Variants in TANGO6 observed in about 807,000 individuals in gnomAD.
TANGO6 encodes the protein transport and Golgi organization protein 6 homolog.
In TANGO6, 90 loss-of-function variants were observed where a neutral mutation model predicts 114.2. That is an observed-to-expected ratio of 0.79 (90% confidence interval 0.66 to 0.94). TANGO6 has a LOEUF of 0.94. Ranked by LOEUF, TANGO6 falls within the 40% of genes least tolerant of loss-of-function variation. The pLI is 0.00. For missense variants in TANGO6, 1,274 were observed against 1,315.3 expected, an observed-to-expected ratio of 0.97 and a Z score of 0.49; for synonymous variants, 477 against 509.8, an observed-to-expected ratio of 0.94 and a Z score of 0.87.
rs536045439 is a variant in TANGO6 at position 68,846,564 on chromosome 16, C to T, written c.94+2853C>T. 2.5e-4 allele frequency: 67 copies of T among 263,408 alleles called. 1 individual carries two copies. The East Asian group carries it at 6.0e-3, about 24-fold the overall frequency. 16.3% of individuals were successfully genotyped at this position (263,408 alleles called of 1,614,324 possible). A position where few individuals can be genotyped will look rare whatever the true frequency, so the allele number is the denominator to read the frequency against. On this transcript the variant is annotated intron_variant, in intron 1 of 17. Coordinates refer to ENST00000261778, the MANE Select transcript of TANGO6 (RefSeq NM_024562.2). ...AAGCTGGAGTGCAGTGGTGCGATCT[C>T]GGCTCACTGCAACCTCCGCCTCCCA...
chr16:68,971,907 ACACGCGTGAGC>A lies in TANGO6; in HGVS notation c.2702-2117_2702-2107del, dbSNP rs1326199659. Reference sequence around the variant, plus strand: ...CTCGGCCTCCCAAAATGTTGGGATTACACGCGTGAGCCACTGCGCCCAGCCGATGCAGACAT... The same window carrying A: ...CTCGGCCTCCCAAAATGTTGGGATTACACTGCGCCCAGCCGATGCAGACAT... On this transcript the variant is annotated intron_variant, in intron 14 of 17. Transcript: ENST00000261778. Among the ~76,000 whole-genome samples, 10 of 152,226 alleles carry A rather than the reference ACACGCGTGAGC, an allele frequency of 6.6e-5. No homozygotes were observed. The South Asian group carries it at 1.0e-3, about 16-fold the overall frequency.
intron 11 of TANGO6, among the ~76,000 whole-genome samples, chr16:68,913,108 G>A (rs1034313317): frequency 6.7e-6 from 1 of 150,050 alleles, no homozygotes; most frequent in Admixed American, 6.7e-5. Context: ...AATAACAAAT[G>A]TTGCAAAGTT....
At chr16:68,989,086 C>T (rs1327597494) in intron 15 of TANGO6, among the ~76,000 whole-genome samples, 2 of 152,152 alleles carry the variant, frequency 1.3e-5, no homozygotes, top group African/African-American at 4.8e-5. Context: ...TGGTCTTGAA[C>T]TCCTGGGCAC....
intron 7 of TANGO6, among the ~76,000 whole-genome samples, chr16:68,894,010 G>A (rs1339586351): frequency 1.3e-5 from 2 of 152,160 alleles, no homozygotes; most frequent in Non-Finnish European, 2.9e-5. Flanking sequence ...TTGTGCCTTC[G>A]CTGCTTCCTC....
intron 8 of TANGO6, among the ~76,000 whole-genome samples, chr16:68,900,923 A>G (rs1962774601): frequency 6.6e-6 from 1 of 152,238 alleles, no homozygotes. Flanking sequence ...CATTTGGGAA[A>G]TCTAGATCTG....
chr16:68,999,943 C>T (rs1326584901), intron 15 of TANGO6, among the ~76,000 whole-genome samples: 2 of 152,182 alleles, frequency 1.3e-5, no homozygotes, highest in African/African-American at 2.4e-5. Flanking sequence ...TTGAAGAGTG[C>T]TTGTCAGAGT....
rs368481752 is a variant in TANGO6, at chr16:69,022,855, C to G, written c.2870C>G (p.Pro957Arg). The change falls in exon 16 of 18, where the codon CCT (proline) becomes CGT (arginine). Residue 957 changes from proline to arginine, a missense_variant. Physicochemically the swap from Pro to Arg is moderately radical, Grantham distance 103. Transcript: ENST00000261778. ...LGDMVSKYREPLIHTFLRGVR... is the reference protein window; with the variant it reads ...LGDMVSKYRERLIHTFLRGVR... Reference sequence around the variant, plus strand: ...GACATGGTCTCAAAGTACCGAGAACCTTTGATCCATACCTTCCTGAGGGGA... The same window carrying G: ...GACATGGTCTCAAAGTACCGAGAACGTTTGATCCATACCTTCCTGAGGGGA... The G allele has an allele frequency of 6.3e-7, 1 of 1,588,612 alleles. No homozygotes were observed. The highest frequency in any genetic ancestry group is 8.6e-7 in the Non-Finnish European group (1 of 1,166,830).
intron 17 of TANGO6, among the ~76,000 whole-genome samples, chr16:69,056,429 C>T (rs78580041): frequency 0.025 from 3,860 of 152,146 alleles, 166 homozygotes; most frequent in African/African-American, 0.087. Context: ...ACAGAAATGT[C>T]CCTGGCACAC....
At chr16:68,965,393 C>T (rs1032773828) in intron 14 of TANGO6, among the ~76,000 whole-genome samples, 2 of 152,218 alleles carry the variant, frequency 1.3e-5, no homozygotes, top group African/African-American at 4.8e-5. Flanking sequence ...TACTCTCACC[C>T]TGCAGGGGCA....
intron 16 of TANGO6, chr16:69,036,076 C>G (rs1233824703): frequency 6.6e-6 from 1 of 151,532 alleles, no homozygotes; most frequent in African/African-American, 2.4e-5. Flanking sequence ...TGGATTTCTG[C>G]CCTCTGAGAG....
At chr16:69,064,307 T>C (rs1262059991) in intron 17 of TANGO6, among the ~76,000 whole-genome samples, 1 of 152,168 alleles carries the variant, frequency 6.6e-6, no homozygotes. Context: ...TGAAGCATCT[T>C]GCACAGAGCA....
At chr16:68,906,188 T>C (rs1183832693) in intron 9 of TANGO6, among the ~76,000 whole-genome samples, 1 of 152,024 alleles carries the variant, frequency 6.6e-6, no homozygotes, top group Non-Finnish European at 1.5e-5. Flanking sequence ...CTCAAATAAA[T>C]AAATAAATAA....
intron 11 of TANGO6, among the ~76,000 whole-genome samples, chr16:68,910,792 T>C (rs969379442): frequency 1.3e-5 from 2 of 152,158 alleles, no homozygotes; most frequent in Non-Finnish European, 2.9e-5. Context: ...TTCTCCTGCC[T>C]CGGCCTCCCA....
At chr16:68,857,975 C>T (rs571585942) in intron 1 of TANGO6, among the ~76,000 whole-genome samples, 1 of 152,012 alleles carries the variant, frequency 6.6e-6, no homozygotes, top group South Asian at 2.1e-4. Flanking sequence ...TCTTTATTTT[C>T]TGAAAGAGTT....
At chr16:68,861,598 A>T (rs1194684167) in intron 2 of TANGO6, among the ~76,000 whole-genome samples, 1 of 152,148 alleles carries the variant, frequency 6.6e-6, no homozygotes, top group Non-Finnish European at 1.5e-5. Flanking sequence ...TATTACTGTT[A>T]CTGAGGCTAA....
chr16:69,078,567 C>G (rs1478926349), intron 17 of TANGO6, among the ~76,000 whole-genome samples: 1 of 152,096 alleles, frequency 6.6e-6, no homozygotes, highest in African/African-American at 2.4e-5. Context: ...TCCCTGTGAC[C>G]TTTACCATGT....
At chr16:68,929,211 G>A (rs564006653) in intron 13 of TANGO6, among the ~76,000 whole-genome samples, 6 of 152,112 alleles carry the variant, frequency 3.9e-5, no homozygotes, top group East Asian at 1.9e-4. Context: ...GAGCCACCGC[G>A]CCTGGCCTTA....
chr16:69,033,464 A>T (rs1437130198), intron 16 of TANGO6, among the ~76,000 whole-genome samples: 2 of 152,178 alleles, frequency 1.3e-5, no homozygotes, highest in African/African-American at 4.8e-5. Flanking sequence ...GGAGTAAATC[A>T]ACAGTGGATA....
intron 15 of TANGO6, among the ~76,000 whole-genome samples, chr16:69,020,933 TGTGTGTGTG>T (rs1290411393): frequency 7.4e-5 from 11 of 149,060 alleles, no homozygotes; most frequent in African/African-American, 2.0e-4. Context: ...TGTGTGTGTG[TGTGTGTGTG>T]GTGTGTGTGT....
Sources: gnomAD v4.1 joint callset for allele counts (sites outside exome capture counted in the v4.1 genomes callset) on GRCh38, gnomAD v4.1.1 for gene constraint, MANE v1.5 for transcripts, NCBI Gene and HGNC (gene_info 2026-07-23, HGNC 2026-07-21) for gene names.